KLRG1: variants seen among roughly 807,000 people sequenced by gnomAD.
KLRG1 encodes killer cell lectin-like receptor subfamily G member 1.
In KLRG1, 16 loss-of-function variants were observed where a neutral mutation model predicts 21.8. The ratio of observed to expected loss-of-function variants is 0.73; its 90% confidence interval spans 0.50 to 1.11. The LOEUF (loss-of-function observed/expected upper bound fraction) is 1.11. Ranked by LOEUF, KLRG1 falls within the 50% of genes most tolerant of loss-of-function variation. The pLI is 0.00. For synonymous variants in KLRG1, 69 were observed against 75.9 expected (o/e 0.91, Z 0.47); for missense variants, 173 against 218.3 (o/e 0.79, Z 1.31).
chr12:9,135,859 A>G, the KLRG1 span, among the ~76,000 whole-genome samples: 1 of 152,206 alleles, frequency 6.6e-6, no homozygotes, highest in Non-Finnish European at 1.5e-5. Flanking sequence ...TCCCAGACAT[A>G]CTTAAATTTT....
chr12:9,074,562 G>T, the KLRG1 span: 1 of 1,608,422 alleles, frequency 6.2e-7, no homozygotes, highest in Non-Finnish European at 8.5e-7. Context: ...TCACCAACCT[G>T]GGTGGAGGAG....
chr12:8,950,973 A>G (rs1183042872), intron 1 of KLRG1, among the ~76,000 whole-genome samples: 1 of 151,898 alleles, frequency 6.6e-6, no homozygotes, highest in Non-Finnish European at 1.5e-5. Context: ...TTCTTTGTTT[A>G]TTAGTAATAC....
the KLRG1 span, among the ~76,000 whole-genome samples, chr12:9,146,184 A>G: frequency 1.3e-5 from 2 of 151,948 alleles, no homozygotes; most frequent in Non-Finnish European, 2.9e-5. Flanking sequence ...ATGGTGCTAC[A>G]TAAGTTCCTT....
intron 1 of KLRG1, among the ~76,000 whole-genome samples, chr12:8,973,034 T>A (rs975228863): frequency 6.6e-6 from 1 of 151,614 alleles, no homozygotes; most frequent in East Asian, 1.9e-4. Flanking sequence ...CCAGCTGGGC[T>A]GAGGGAGGCT....
chr12:9,021,667 T>G, the KLRG1 span, among the ~76,000 whole-genome samples: 1 of 152,114 alleles, frequency 6.6e-6, no homozygotes, highest in East Asian at 1.9e-4. Flanking sequence ...TTCTATAAGC[T>G]TTTTTCTATT....
chr12:8,992,271 CT>C lies in KLRG1; in HGVS notation c.150del (p.Leu51Ter). 6.2e-7 allele frequency: 1 copy of C among 1,613,896 alleles called. No individual in the cohort carries two copies. Among genetic ancestry groups the C allele is most frequent in the Non-Finnish European group, 8.5e-7 (1 of 1,179,868 alleles). On this transcript the variant is annotated frameshift_variant, in exon 2 of 5. Coordinates refer to ENST00000356986, the MANE Select transcript of KLRG1 (RefSeq NM_005810.4). LOFTEE classifies it high-confidence loss of function. ...AGCTTTGGGGCTTCTGACTGCAGTT[CT>C]TCTGAGTGTGCTGCTATACCAGTGG... ...AIALGLLTAV[L>X]LSVLLYQWIL...
At chr12:9,067,875 T>C in the KLRG1 span, 1 of 1,603,146 alleles carries the variant, frequency 6.2e-7, no homozygotes, top group Non-Finnish European at 8.5e-7. Flanking sequence ...TAAGACAGAT[T>C]TGGGTCTCCA....
the KLRG1 span, among the ~76,000 whole-genome samples, chr12:9,102,430 C>T: frequency 1.3e-5 from 2 of 152,010 alleles, no homozygotes; most frequent in South Asian, 2.1e-4. Context: ...TGCCTAGGCT[C>T]GTCTCGATCT....
intron 1 of KLRG1, among the ~76,000 whole-genome samples, chr12:8,980,745 T>G (rs1946741632): frequency 6.6e-6 from 1 of 152,138 alleles, no homozygotes; most frequent in Non-Finnish European, 1.5e-5. Context: ...GGTGCAGCAG[T>G]GTGAGTTCTG....
chr12:8,969,858 G>A (rs1449092279), intron 1 of KLRG1, among the ~76,000 whole-genome samples: 5 of 152,198 alleles, frequency 3.3e-5, no homozygotes, highest in African/African-American at 1.2e-4. Context: ...GCTCATGCCT[G>A]TAATCTCAAC....
chr12:9,126,761 A>G, the KLRG1 span, among the ~76,000 whole-genome samples: 2 of 152,094 alleles, frequency 1.3e-5, no homozygotes, highest in Admixed American at 1.3e-4. Context: ...ACTGCCTGAA[A>G]CTTCTGTGCA....
the KLRG1 span, among the ~76,000 whole-genome samples, chr12:9,108,270 C>T: frequency 3.3e-5 from 5 of 152,100 alleles, no homozygotes; most frequent in African/African-American, 9.7e-5. Context: ...GGACTACAGG[C>T]GCTGGCCACC....
the KLRG1 span, among the ~76,000 whole-genome samples, chr12:9,205,163 TTTAAA>T: frequency 2.0e-5 from 3 of 152,200 alleles, no homozygotes; most frequent in African/African-American, 7.2e-5. Flanking sequence ...TTCTTTTTTA[TTTAAA>T]TTGTTGAAAG....
the KLRG1 span, among the ~76,000 whole-genome samples, chr12:9,092,203 C>T: frequency 3.3e-5 from 5 of 152,036 alleles, no homozygotes; most frequent in Admixed American, 1.3e-4. Context: ...GCTCGCCCCA[C>T]GGATAAAACC....
the KLRG1 span, among the ~76,000 whole-genome samples, chr12:9,108,490 A>C: frequency 6.6e-6 from 1 of 152,160 alleles, no homozygotes; most frequent in Non-Finnish European, 1.5e-5. Flanking sequence ...CTGGGTTTCC[A>C]AGTGCATTTG....
the KLRG1 span, chr12:9,101,051 T>C: frequency 5.0e-6 from 6 of 1,207,362 alleles, no homozygotes; most frequent in Admixed American, 7.5e-5. Context: ...CAAAAACCTA[T>C]GGAAAAAAAG....
chr12:9,214,791 T>C, the KLRG1 span, among the ~76,000 whole-genome samples: 1 of 151,988 alleles, frequency 6.6e-6, no homozygotes, highest in South Asian at 2.1e-4. Context: ...AATATTTGCT[T>C]GTCATTTTGA....
chr12:9,113,105 C>CTTT, the KLRG1 span, among the ~76,000 whole-genome samples: 1 of 143,852 alleles, frequency 7.0e-6, no homozygotes. Context: ...GTCACATTTT[C>CTTT]TTTTTTTTTT....
At chr12:9,106,915 C>T in the KLRG1 span, among the ~76,000 whole-genome samples, 12 of 152,084 alleles carry the variant, frequency 7.9e-5, no homozygotes, top group African/African-American at 2.7e-4. Context: ...ATGGGGTACA[C>T]GAGATATTTT....
Sources: gnomAD v4.1 joint callset for allele counts (sites outside exome capture counted in the v4.1 genomes callset) on GRCh38, gnomAD v4.1.1 for gene constraint, MANE v1.5 for transcripts, NCBI Gene and HGNC (gene_info 2026-07-23, HGNC 2026-07-21) for gene names.